NPEPL1: variants seen among roughly 807,000 people sequenced by gnomAD.
NPEPL1 encodes aminopeptidase like 1.
Under a neutral mutation model 52.4 loss-of-function variants are expected in NPEPL1, and 45 were observed. The ratio of observed to expected loss-of-function variants is 0.86; its 90% CI spans 0.68 to 1.10. The LOEUF (loss-of-function observed/expected upper bound fraction) is 1.10, where lower values mean the gene tolerates loss of function less well. NPEPL1 is among the 50% of genes least tolerant of loss of function. NPEPL1 has a pLI of 0.00. For missense variants in NPEPL1, 696 were observed against 710.9 expected (o/e 0.98, Z 0.24); for synonymous variants, 360 against 314.7 (o/e 1.14, Z -1.52).
At chr20:58,696,475 C>T (rs6100168) in intron 3 of NPEPL1, among the ~76,000 whole-genome samples, 48,380 of 152,190 alleles carry the variant, frequency 0.32, 8,567 homozygotes, top group East Asian at 0.4. Flanking sequence ...TCCCAGCACC[C>T]GACCCCACAC....
In NPEPL1 at chr20:58,693,000, G is replaced by A. The variant is rs1159580514; in HGVS notation, c.100G>A (p.Val34Met). The A allele has an allele frequency of 3.5e-6, 4 of 1,148,458 alleles. No homozygotes were observed. Among genetic ancestry groups the A allele is most frequent in the Non-Finnish European group, 4.4e-6 (4 of 919,022 alleles). The allele number at this position is 1,148,458 out of a possible 1,614,324, so 71.1% of individuals were successfully genotyped here. A position where few individuals can be genotyped will look rare whatever the true frequency, so the allele number is the denominator to read the frequency against. Residue 34 changes from valine to methionine, a missense_variant, in exon 1 of 12, where the codon GTG (valine) becomes ATG (methionine). Coordinates refer to ENST00000356091, the MANE Select transcript of NPEPL1 (RefSeq NM_024663.4). The surrounding 1 kb of genome is among the most constrained non-coding windows in gnomAD (Gnocchi z 5.7). ...LLGQLHHLHRVPWSHVRGKLQ... is the reference protein window; with the variant it reads ...LLGQLHHLHRMPWSHVRGKLQ... ...CGGGCAGCTGCACCACCTGCACCGC[G>A]TGCCCTGGAGCCACGTCCGCGGGAA... is the stretch of plus-strand genomic sequence containing the variant.
intron 5 of NPEPL1, among the ~76,000 whole-genome samples, chr20:58,700,545 C>G (rs574464409): frequency 6.6e-6 from 1 of 152,210 alleles, no homozygotes; most frequent in Non-Finnish European, 1.5e-5. Context: ...TGCACACGCA[C>G]AGGCCACAGC....
intron 7 of NPEPL1, among the ~76,000 whole-genome samples, chr20:58,711,896 CAG>C (rs917297689): frequency 6.6e-6 from 1 of 152,252 alleles, no homozygotes; most frequent in African/African-American, 2.4e-5. Context: ...AGGGCAGGGA[CAG>C]GGGTCTGGGA....
At chr20:58,694,022 C>G in intron 2 of NPEPL1, 100 bp downstream of exon 2, 1 of 1,179,024 alleles carries the variant, frequency 8.5e-7, no homozygotes, top group Non-Finnish European at 1.2e-6. Context: ...CAGCGCACGC[C>G]CAGAGGGCTG....
chr20:58,704,222 G>C (rs961366574), intron 6 of NPEPL1: 1 of 985,344 alleles, frequency 1.0e-6, no homozygotes. Context: ...AGAGCAAATG[G>C]TGCAGAAATG....
intron 6 of NPEPL1, among the ~76,000 whole-genome samples, chr20:58,706,036 A>C (rs7343623): frequency 0.32 from 48,381 of 152,178 alleles, 11,345 homozygotes; most frequent in African/African-American, 0.66. Context: ...AGTAAATTTC[A>C]TACCCAAACC....
rs1478244783 is a variant in NPEPL1, at chr20:58,713,687, C to A, written c.1125+144C>A. The A allele has an allele frequency of 1.6e-6, 2 of 1,280,564 alleles. No individual in the cohort carries two copies. The highest frequency in any genetic ancestry group is 1.0e-6 in the Non-Finnish European group (1 of 961,346). The allele number at this position is 1,280,564 out of a possible 1,614,324, so 79.3% of individuals were successfully genotyped here. ...GCACGAGGAGGCAGGAGGAGCTGCC[C>A]GTCAAGCTTGGTGTGGGCAGTACCG... On this transcript the variant is annotated intron_variant, in intron 9 of 11. Transcript: ENST00000356091. The surrounding 1 kb of genome is among the most constrained non-coding windows in gnomAD (Gnocchi z 4.6).
At chr20:58,692,126 G>C (rs188323914), upstream of NPEPL1, 3 of 430,566 alleles carry the variant, frequency 7.0e-6, no homozygotes, top group Non-Finnish European at 1.3e-5. This position sits in a 1 kb window ranked among gnomAD's most constrained non-coding sequence, Gnocchi z 5.7. Context: ...TGGGCGGGAA[G>C]GCCCCCCATG....
chr20:58,701,215 G>T, intron 6 of NPEPL1, 57 bp downstream of exon 6: 1 of 1,157,596 alleles, frequency 8.6e-7, no homozygotes, highest in Non-Finnish European at 1.1e-6. Context: ...AAGGTGAGGT[G>T]CAGGGCCCGG....
intron 6 of NPEPL1, among the ~76,000 whole-genome samples, chr20:58,706,139 C>T (rs2084729080): frequency 6.6e-6 from 1 of 152,182 alleles, no homozygotes; most frequent in African/African-American, 2.4e-5. Context: ...ACACTGTCAA[C>T]CAGCGTATAG....
intron 6 of NPEPL1, among the ~76,000 whole-genome samples, chr20:58,705,041 C>T (rs2123123111): frequency 6.6e-6 from 1 of 152,266 alleles, no homozygotes; most frequent in South Asian, 2.1e-4. Flanking sequence ...TTAATATCAC[C>T]ATCCATCTCA....
At chr20:58,703,814 G>T in intron 6 of NPEPL1, 1 of 985,234 alleles carries the variant, frequency 1.0e-6, no homozygotes, top group Non-Finnish European at 1.2e-6. Context: ...GTGGTCTGAG[G>T]GTGGCTGGTA....
upstream of NPEPL1, chr20:58,691,794 G>A (rs1568844242): frequency 6.5e-7 from 1 of 1,546,294 alleles, no homozygotes; most frequent in African/African-American, 1.4e-5. Flanking sequence ...ACAGAGGAGG[G>A]TACCAACCAA....
chr20:58,691,952 C>T, upstream of NPEPL1: 2 of 721,700 alleles, frequency 2.8e-6, no homozygotes, highest in South Asian at 3.1e-5. Context: ...ACTCAAGGCT[C>T]ACCCCTGGCT....
rs2084400105 is a variant in NPEPL1, at chr20:58,693,604, A to T, written c.151-133A>T. On this transcript the variant is annotated intron_variant, in intron 1 of 11. Transcript: ENST00000356091. ...CGACACATCTCCCTAAGGATGGGAA[A>T]ACGGTGGCCGGGAGCTGCGCAGTGC... 4 of 734,154 alleles carry T rather than the reference A, an allele frequency of 5.4e-6. No individual in the cohort carries two copies. The South Asian group carries it at 7.7e-5, about 14-fold the overall frequency. 45.5% of individuals were successfully genotyped at this position (734,154 alleles called of 1,614,324 possible).
chr20:58,713,197 C>T lies in NPEPL1; in HGVS notation c.1002-223C>T. Reference sequence around the variant, plus strand: ...AGCCAAATGGCTGGTCTCTGGCTCTCCAGAGCAGCGGGGCAGGGATGTCAC... The same window carrying T: ...AGCCAAATGGCTGGTCTCTGGCTCTTCAGAGCAGCGGGGCAGGGATGTCAC... On this transcript the variant is annotated intron_variant, in intron 8 of 11. Coordinates refer to ENST00000356091, the MANE Select transcript of NPEPL1 (RefSeq NM_024663.4). The surrounding 1 kb of genome is among the most constrained non-coding windows in gnomAD (Gnocchi z 4.6). The T allele has an allele frequency of 1.9e-6, 1 of 534,728 alleles. No individual in the cohort carries two copies. Among genetic ancestry groups the T allele is most frequent in the Middle Eastern group, 5.0e-4 (1 of 2,002 alleles). 33.1% of individuals were successfully genotyped at this position (534,728 alleles called of 1,614,324 possible).
At chr20:58,694,327 G>C in intron 2 of NPEPL1, 95 bp from the exon 3 acceptor site, 2 of 1,296,908 alleles carry the variant, frequency 1.5e-6, no homozygotes, top group Non-Finnish European at 2.1e-6. Flanking sequence ...TCACCTGCCA[G>C]GGAGCTGATG....
chr20:58,691,507 CCAGGGACCATGGCTCAGAGCTGAG>C (rs1568843905), upstream of NPEPL1: 2 of 667,208 alleles, frequency 3.0e-6, no homozygotes, highest in Non-Finnish European at 5.3e-6. Flanking sequence ...TTCCAAGGGG[CCAGGGACCATGGCTCAGAGCTGAG>C]CAGACAGACC....
At position 58,701,943 on chromosome 20, in the gene NPEPL1, C is replaced by A. The variant is rs192221273; in HGVS notation, c.822+785C>A. Among the ~76,000 whole-genome samples the A allele has an allele frequency of 3.1e-3, 474 of 152,294 alleles. 3 individuals carry two copies. The highest frequency in any genetic ancestry group is 5.1e-3 in the Non-Finnish European group (345 of 68,012). ...GGCCGAGTCTGCCCGCCCCAGCAAG[C>A]CCTGCCCTCCTCCGCACCATCTCCA... is the stretch of plus-strand genomic sequence containing the variant. On this transcript the variant is annotated intron_variant, in intron 6 of 11. Coordinates refer to ENST00000356091, the MANE Select transcript of NPEPL1 (RefSeq NM_024663.4).
Sources: allele counts gnomAD v4.1 joint callset (sites outside exome capture counted in the v4.1 genomes callset), GRCh38; gene constraint gnomAD v4.1.1; non-coding constraint Gnocchi (gnomAD v3.1); transcripts MANE v1.5; gene names NCBI Gene and HGNC (gene_info 2026-07-23, HGNC 2026-07-21).